PPM1H: variants seen among roughly 807,000 people sequenced by gnomAD.
PPM1H encodes the protein protein phosphatase 1H.
PPM1H carries 27 observed loss-of-function variants against 54.9 expected under a neutral mutation model. The ratio of observed to expected loss-of-function variants is 0.49; its 90% CI spans 0.36 to 0.68. PPM1H has a LOEUF of 0.68. PPM1H is among the 30% of genes least tolerant of loss of function. PPM1H has a pLI of 0.00. For synonymous variants in PPM1H, 305 were observed against 270.8 expected, an observed-to-expected ratio of 1.13 and a Z score of -1.24; for missense variants, 596 against 667.8, an observed-to-expected ratio of 0.89 and a Z score of 1.19.
chr12:62,915,629 G>A (rs1410307106), intron 1 of PPM1H, among the ~76,000 whole-genome samples: 4 of 152,286 alleles, frequency 2.6e-5, no homozygotes, highest in Admixed American at 2.0e-4. Flanking sequence ...GTACCCAAGA[G>A]CAGCCCAGCA....
At chr12:62,697,133 C>T (rs1207602182) in intron 6 of PPM1H, among the ~76,000 whole-genome samples, 3 of 146,534 alleles carry the variant, frequency 2.0e-5, no homozygotes, top group South Asian at 2.2e-4. Context: ...GGTCTGTGTT[C>T]TTTTTTTTTT....
chr12:62,859,207 A>G (rs1032510699), intron 1 of PPM1H, among the ~76,000 whole-genome samples: 3 of 152,246 alleles, frequency 2.0e-5, no homozygotes, highest in African/African-American at 7.2e-5. Context: ...ACTAGGAAGC[A>G]TGCGATCTTC....
In PPM1H at chr12:62,698,709, AT is replaced by A. The variant is rs906216343; in HGVS notation, c.1074-4711del. Among the ~76,000 whole-genome samples the A allele has an allele frequency of 5.4e-4, 82 of 151,166 alleles. 1 individual carries two copies. The highest frequency in any genetic ancestry group is 1.9e-3 in the African/African-American group (80 of 41,244). ...TAACAAAGCTATTTCCATTATGTGT[AT>A]TTTTTTTTAGGGTTACATATGGAGA... On this transcript the variant is annotated intron_variant, in intron 6 of 9. Coordinates refer to ENST00000228705, the MANE Select transcript of PPM1H (RefSeq NM_020700.2).
chr12:62,892,303 G>A (rs1870826893), intron 1 of PPM1H, among the ~76,000 whole-genome samples: 1 of 152,136 alleles, frequency 6.6e-6, no homozygotes, highest in South Asian at 2.1e-4. Flanking sequence ...GGACATACCA[G>A]CCTCTTACTG....
intron 1 of PPM1H, among the ~76,000 whole-genome samples, chr12:62,916,623 ATT>A (rs1353015800): frequency 1.0e-4 from 15 of 147,620 alleles, no homozygotes; most frequent in African/African-American, 2.7e-4. Flanking sequence ...CACCAAGAGT[ATT>A]TTTTTTTTTG....
Position 62,702,994 on chromosome 12 carries a change from T to C in PPM1H, c.1074-8995A>G, listed in dbSNP as rs951921797. On this transcript the variant is annotated intron_variant, in intron 6 of 9. Transcript: ENST00000228705. ...TCTGCCTCTTCAACTGGACACTTCA[T>C]AGGATGGTTGCAAGGATTAAGGGCA... is the stretch of plus-strand genomic sequence containing the variant. Among the ~76,000 whole-genome samples the C allele has an allele frequency of 2.6e-5, 4 of 152,190 alleles. No homozygotes were observed. The East Asian group carries it at 5.8e-4, about 22-fold the overall frequency.
chr12:62,776,060 C>T (rs144658658), intron 4 of PPM1H, among the ~76,000 whole-genome samples: 38 of 152,232 alleles, frequency 2.5e-4, no homozygotes, highest in Non-Finnish European at 4.7e-4. Flanking sequence ...TCAGACCACA[C>T]GAGACTTACT....
chr12:62,817,161 GAA>G (rs1179706449), intron 2 of PPM1H, among the ~76,000 whole-genome samples: 2,220 of 75,292 alleles, frequency 0.029, 63 homozygotes, highest in African/African-American at 0.088. Flanking sequence ...CTAAAAAAAA[GAA>G]AAAAAAAAAA....
chr12:62,897,170 A>G (rs1189335708), intron 1 of PPM1H, among the ~76,000 whole-genome samples: 1 of 152,064 alleles, frequency 6.6e-6, no homozygotes, highest in Non-Finnish European at 1.5e-5. Context: ...TAATGGGTGC[A>G]GCACACAAAC....
chr12:62,793,762 A>AG (rs2076714928), intron 3 of PPM1H, among the ~76,000 whole-genome samples: 1 of 149,678 alleles, frequency 6.7e-6, no homozygotes, highest in Admixed American at 6.7e-5. Flanking sequence ...AAAAAAAAAA[A>AG]GGCAAACAGA....
At chr12:62,877,008 G>T (rs1056815816) in intron 1 of PPM1H, among the ~76,000 whole-genome samples, 1 of 152,252 alleles carries the variant, frequency 6.6e-6, no homozygotes, top group East Asian at 1.9e-4. Flanking sequence ...AGTTCTTTCT[G>T]CCCCTACAAA....
At chr12:62,673,872 C>T (rs2075971312) in intron 8 of PPM1H, among the ~76,000 whole-genome samples, 1 of 151,544 alleles carries the variant, frequency 6.6e-6, no homozygotes, top group South Asian at 2.1e-4. Flanking sequence ...ACTACAGGTG[C>T]ACACCACCTA....
At chr12:62,729,533 G>T (rs2076308192) in intron 5 of PPM1H, among the ~76,000 whole-genome samples, 1 of 152,220 alleles carries the variant, frequency 6.6e-6, no homozygotes, top group South Asian at 2.1e-4. Flanking sequence ...CATACAAGCT[G>T]ATGAAGTTTC....
chr12:62,766,100 A>G (rs1328964217), intron 4 of PPM1H, among the ~76,000 whole-genome samples: 1 of 152,164 alleles, frequency 6.6e-6, no homozygotes, highest in Admixed American at 6.5e-5. Flanking sequence ...TATGGAGTCT[A>G]CAAAATATGC....
At chr12:62,731,990 C>T (rs2076323621) in intron 5 of PPM1H, among the ~76,000 whole-genome samples, 1 of 152,158 alleles carries the variant, frequency 6.6e-6, no homozygotes, top group Admixed American at 6.5e-5. Flanking sequence ...CTATCTGAGC[C>T]TTGACTCCAC....
Position 62,644,094 on chromosome 12 carries a change from A to G in PPM1H, c.*4395T>C, listed in dbSNP as rs2075772708. The G allele has an allele frequency of 6.6e-6, 1 of 152,220 alleles. No homozygotes were observed. The highest frequency in any genetic ancestry group is 2.1e-4 in the South Asian group (1 of 4,836). 9.4% of individuals were successfully genotyped at this position (152,220 alleles called of 1,614,324 possible). A position where few individuals can be genotyped will look rare whatever the true frequency, so the allele number is the denominator to read the frequency against. On this transcript the variant is annotated 3_prime_UTR_variant, in exon 10 of 10. Coordinates refer to ENST00000228705, the MANE Select transcript of PPM1H (RefSeq NM_020700.2). The stretch of plus-strand genomic sequence containing the variant: ...GGACATTGCACCTAAGTTTCAAAAC[A>G]CACAAAATAGATCCCCTTTACTAAA...
At chr12:62,695,003 A>G (rs970119713) in intron 6 of PPM1H, among the ~76,000 whole-genome samples, 8 of 152,244 alleles carry the variant, frequency 5.3e-5, no homozygotes, top group Non-Finnish European at 8.8e-5. Flanking sequence ...ATTAGGTGCT[A>G]TAAGTAGATG....
chr12:62,687,030 G>T (rs1808181890), intron 8 of PPM1H, among the ~76,000 whole-genome samples: 1 of 152,168 alleles, frequency 6.6e-6, no homozygotes. Context: ...AAGGTGAACT[G>T]GGCCAACCAG....
intron 4 of PPM1H, among the ~76,000 whole-genome samples, chr12:62,775,139 G>C (rs1468436416): frequency 6.6e-6 from 1 of 152,202 alleles, no homozygotes; most frequent in East Asian, 1.9e-4. Context: ...CGGGAGGATG[G>C]ATAGATACAT....
Sources: gnomAD v4.1 joint callset for allele counts (sites outside exome capture counted in the v4.1 genomes callset) on GRCh38, gnomAD v4.1.1 for gene constraint, MANE v1.5 for transcripts, NCBI Gene and HGNC (gene_info 2026-07-23, HGNC 2026-07-21) for gene names.